The following NPC1 variants were observed in gnomAD, a reference collection of about 807,000 sequenced individuals.
NPC1 encodes NPC intracellular cholesterol transporter 1.
A neutral mutation model predicts 140.4 loss-of-function variants in NPC1; 85 were observed. That is an observed-to-expected ratio of 0.61 (90% CI 0.51 to 0.72). The LOEUF is 0.72. Ranked by LOEUF, NPC1 falls within the 30% of genes least tolerant of loss-of-function variation. The pLI, the probability that NPC1 is intolerant of heterozygous loss-of-function variation, is 0.00. For missense variants in NPC1, 1,504 were observed against 1,623.8 expected (o/e 0.93, Z 1.27); for synonymous variants, 656 against 624.8 (o/e 1.05, Z -0.74).
Position 23,532,251 on chromosome 18 carries a change from G to A in NPC1, c.3788C>T (p.Thr1263Ile). The A allele has an allele frequency of 6.2e-7, 1 of 1,614,166 alleles. No homozygotes were observed. The change falls in exon 25 of 25, where the codon ACT (threonine) becomes ATT (isoleucine). Residue 1263 changes from threonine to isoleucine, a missense_variant. Physicochemically the swap from Thr to Ile is moderately conservative, Grantham distance 89. Coordinates refer to ENST00000269228, the MANE Select transcript of NPC1 (RefSeq NM_000271.5). ...PSVNKAKSCA[T>I]EERYKGTERE... ...CTCTGTTCCTTTGTATCGCTCTTCAGTGGCACAACTTTTGGCTTTATTTAC... is the reference window on the plus strand; with the variant it reads ...CTCTGTTCCTTTGTATCGCTCTTCAATGGCACAACTTTTGGCTTTATTTAC...
At chr18:23,573,689 G>T in intron 1 of NPC1, 115 bp from the exon 2 acceptor site, 1 of 1,231,220 alleles carries the variant, frequency 8.1e-7, no homozygotes, top group Non-Finnish European at 1.2e-6. Flanking sequence ...GCAAAATTAA[G>T]TAACAGCAAC....
chr18:23,571,058 G>C (rs2059194881), intron 3 of NPC1, among the ~76,000 whole-genome samples: 1 of 152,184 alleles, frequency 6.6e-6, no homozygotes, highest in Non-Finnish European at 1.5e-5. Flanking sequence ...GCTCAAGTTT[G>C]AAAGGAGCCT....
At chr18:23,529,793 C>T (rs570858847), downstream of NPC1, 53 of 1,377,488 alleles carry the variant, frequency 3.8e-5, 1 homozygote, top group South Asian at 6.2e-4. Flanking sequence ...GAAGATGACT[C>T]ATATGCTAAG....
At chr18:23,551,504 T>TC in intron 10 of NPC1, 123 bp downstream of exon 10, 1 of 810,720 alleles carries the variant, frequency 1.2e-6, no homozygotes, top group African/African-American at 1.7e-5. Flanking sequence ...ATTCTGGGAT[T>TC]CAAGAGGTAA....
chr18:23,571,968 CATATA>C (rs2059210650), intron 3 of NPC1, 101 bp downstream of exon 3: 1 of 568,446 alleles, frequency 1.8e-6, no homozygotes, highest in African/African-American at 1.9e-5. Context: ...ATAATATAGA[CATATA>C]ATAAATAAAA....
Position 23,586,499 on chromosome 18 carries a change from T to C in NPC1, c.-156A>G. The C allele has an allele frequency of 7.1e-7, 1 of 1,414,498 alleles. No homozygotes were observed. The highest frequency in any genetic ancestry group is 9.2e-7 in the Non-Finnish European group (1 of 1,092,266). 87.6% of individuals were successfully genotyped at this position (1,414,498 alleles called of 1,614,324 possible). ...CGCGGCAGCAGGCTGCGCGCGCCGG[T>C]CAGGAAGGAAGAAGGCGTCGTCGGC... is the stretch of plus-strand genomic sequence containing the variant. On this transcript the variant is annotated 5_prime_UTR_variant, in exon 1 of 25. Transcript: ENST00000269228.
chr18:23,539,719 C>T, intron 18 of NPC1, 92 bp downstream of exon 18: 2 of 1,404,136 alleles, frequency 1.4e-6, no homozygotes, highest in South Asian at 1.2e-5. Context: ...CCAAGAAAGT[C>T]TATTTTCAGT....
chr18:23,561,415 G>T lies in NPC1; in HGVS notation c.576C>A (p.Tyr192Ter). Residue 192 changes from tyrosine (Y) to a stop codon, truncating the protein, a stop_gained, in exon 5 of 25, where the codon TAC (tyrosine) becomes TAA (stop). Coordinates refer to ENST00000269228, the MANE Select transcript of NPC1 (RefSeq NM_000271.5). LOFTEE classifies it high-confidence loss of function. ...CCTGTCCATTGTCCTTATTGAACATGTATTCAATCCAGTTGGTGGCATTAC... is the reference window on the plus strand; with the variant it reads ...CCTGTCCATTGTCCTTATTGAACATTTATTCAATCCAGTTGGTGGCATTAC... ...DACNATNWIEYMFNKDNGQAP... is the reference protein window; with the variant it reads ...DACNATNWIE 6.2e-7 allele frequency: 1 copy of T among 1,614,012 alleles called. No individual in the cohort carries two copies. Among genetic ancestry groups the T allele is most frequent in the Non-Finnish European group, 8.5e-7 (1 of 1,179,866 alleles).
intron 8 of NPC1, among the ~76,000 whole-genome samples, chr18:23,555,492 C>T (rs193122945): frequency 6.6e-6 from 1 of 152,242 alleles, no homozygotes; most frequent in East Asian, 1.9e-4. Flanking sequence ...CAGACAGTCA[C>T]TGGGTAGAGA....
At chr18:23,564,605 G>T (rs1450466602) in intron 4 of NPC1, among the ~76,000 whole-genome samples, 3 of 152,302 alleles carry the variant, frequency 2.0e-5, no homozygotes, top group South Asian at 2.1e-4. Context: ...TAACAGGTGT[G>T]AGTCACTGTG....
intron 18 of NPC1, 72 bp from the exon 19 acceptor site, chr18:23,539,542 AAACCT>A (rs2058682468): frequency 9.2e-7 from 1 of 1,083,920 alleles, no homozygotes; most frequent in Non-Finnish European, 1.4e-6. Flanking sequence ...CTTTTTCTTA[AAACCT>A]AACTTCCTTT....
intron 6 of NPC1, among the ~76,000 whole-genome samples, chr18:23,559,386 TAAAAAGTAA>T: frequency 6.7e-6 from 1 of 148,386 alleles, no homozygotes; most frequent in African/African-American, 2.5e-5. Context: ...TATTTCAAAA[TAAAAAGTAA>T]AAAAAGTACT....
In NPC1 at chr18:23,535,720, C is replaced by T. The variant is rs6507717; in HGVS notation, c.3246-20G>A. The T allele has an allele frequency of 2.2e-3, 3,449 of 1,543,032 alleles. 61 individuals carry two copies. In the African/African-American group the frequency reaches 0.039, roughly 17 times the overall value. ...AACACACTGGAGGGGAGAGGGGAGG[C>T]CTCATTAAAGCTCGCTCTCACTCCC... is the stretch of plus-strand genomic sequence containing the variant. On this transcript the variant is annotated intron_variant, in intron 21 of 24. Coordinates refer to ENST00000269228, the MANE Select transcript of NPC1 (RefSeq NM_000271.5).
At chr18:23,558,349 C>T (rs943134525) in intron 6 of NPC1, among the ~76,000 whole-genome samples, 2 of 152,186 alleles carry the variant, frequency 1.3e-5, no homozygotes, top group South Asian at 2.1e-4. Flanking sequence ...AGGAAAGAGA[C>T]GCATCAACAT....
chr18:23,568,321 A>C (rs541768198), intron 4 of NPC1, among the ~76,000 whole-genome samples: 21 of 152,062 alleles, frequency 1.4e-4, no homozygotes, highest in South Asian at 1.0e-3. Context: ...TTTTCTATGG[A>C]ATTTTTTTGT....
At chr18:23,525,284 G>A (rs558622356), downstream of NPC1, among the ~76,000 whole-genome samples, 2 of 151,936 alleles carry the variant, frequency 1.3e-5, no homozygotes, top group South Asian at 2.1e-4. Flanking sequence ...GTCTTGCTCC[G>A]TCACCCAGCC....
chr18:23,560,088 G>A, intron 6 of NPC1, 143 bp downstream of exon 6: 1 of 969,750 alleles, frequency 1.0e-6, no homozygotes, highest in Non-Finnish European at 1.6e-6. Context: ...TAGAATAGCT[G>A]TAGGACACAA....
chr18:23,546,753 CA>C (rs1278499263), intron 11 of NPC1, among the ~76,000 whole-genome samples: 1 of 152,170 alleles, frequency 6.6e-6, no homozygotes, highest in Admixed American at 6.5e-5. Context: ...AAAAAGTCCA[CA>C]TATTATTCTA....
chr18:23,535,417 C>G, intron 22 of NPC1, 52 bp downstream of exon 22: 1 of 1,294,372 alleles, frequency 7.7e-7, no homozygotes, highest in African/African-American at 1.5e-5. Context: ...ACAGCCAATT[C>G]CCCCAAGTGA....
Sources: gnomAD v4.1 joint callset for allele counts (sites outside exome capture counted in the v4.1 genomes callset) on GRCh38, gnomAD v4.1.1 for gene constraint, MANE v1.5 for transcripts, NCBI Gene and HGNC (gene_info 2026-07-23, HGNC 2026-07-21) for gene names.